The following CELSR1 variants were observed in gnomAD, a reference collection of about 807,000 sequenced individuals.
The protein encoded by CELSR1 is adhesion G protein-coupled receptor C1.
CELSR1 carries 110 observed loss-of-function variants against 249.1 expected under a neutral mutation model. The observed-to-expected ratio is 0.44, with a 90% CI of 0.38 to 0.52. CELSR1 has a LOEUF of 0.52. Ranked by LOEUF, CELSR1 falls within the 20% of genes least tolerant of loss-of-function variation. The probability of loss-of-function intolerance (pLI) is 0.00; values close to 1 mark genes in which losing one functional copy is unlikely to be tolerated. For synonymous variants in CELSR1, 2,113 were observed against 1,900.0 expected (o/e 1.11, Z -2.92); for missense variants, 4,109 against 4,296.4 (o/e 0.96, Z 1.22).
intron 1 of CELSR1, among the ~76,000 whole-genome samples, chr22:46,501,752 T>C (rs980764047): frequency 3.9e-5 from 6 of 152,154 alleles, no homozygotes; most frequent in Admixed American, 3.9e-4. Flanking sequence ...AGATGAGCAA[T>C]AGCAGAATGG....
intron 5 of CELSR1, among the ~76,000 whole-genome samples, chr22:46,416,779 G>A (rs560096352): frequency 2.6e-5 from 4 of 152,212 alleles, no homozygotes; most frequent in Non-Finnish European, 1.5e-5. Context: ...TCTTCCCTGC[G>A]TGCAGGCCCT....
In CELSR1 at chr22:46,369,842, C is replaced by T. The variant is rs368933553; in HGVS notation, c.7760-38G>A. The T allele has an allele frequency of 3.0e-5, 48 of 1,578,544 alleles. 1 individual carries two copies. The highest frequency in any genetic ancestry group is 2.3e-4 in the South Asian group (21 of 90,328). On this transcript the variant is annotated intron_variant, in intron 25 of 34. Coordinates refer to ENST00000674500, the MANE Select transcript of CELSR1 (RefSeq NM_001378328.1). ...GGGAGGAAGGGAAGGGTGAGGGCCA[C>T]GTGCCCAGTGGCCACCCCATGCCAA...
In CELSR1 at chr22:46,398,982, G is replaced by A. The variant is rs2079182220; in HGVS notation, c.5413-345C>T. On this transcript the variant is annotated intron_variant, in intron 10 of 34. Transcript: ENST00000674500. The surrounding 1 kb of genome is among the most constrained non-coding windows in gnomAD (Gnocchi z 7.2). ...CTTGGCGAGTCAGGAAGACTGCAGT[G>A]AACGGAAATCCGCTCACTCATTAAC... Among the ~76,000 whole-genome samples the A allele has an allele frequency of 6.6e-6, 1 of 152,222 alleles. No individual in the cohort carries two copies. The highest frequency in any genetic ancestry group is 2.1e-4 in the South Asian group (1 of 4,830).
chr22:46,532,182 C>G (rs1365144884), intron 1 of CELSR1, among the ~76,000 whole-genome samples: 1 of 152,224 alleles, frequency 6.6e-6, no homozygotes, highest in African/African-American at 2.4e-5. Context: ...CTCATTAAAT[C>G]TAAACCCTAT....
intron 1 of CELSR1, among the ~76,000 whole-genome samples, chr22:46,474,091 G>A (rs1473216149): frequency 1.3e-5 from 2 of 152,158 alleles, no homozygotes; most frequent in Non-Finnish European, 2.9e-5. Context: ...CCAGCAAGCC[G>A]GACTGTAGAA....
intron 1 of CELSR1, among the ~76,000 whole-genome samples, chr22:46,478,012 A>T (rs966449022): frequency 3.9e-5 from 6 of 152,074 alleles, no homozygotes; most frequent in African/African-American, 1.2e-4. Flanking sequence ...ATGACCACAC[A>T]TGTCTCCAGA....
chr22:46,379,233 C>A (rs1242877768), intron 22 of CELSR1, among the ~76,000 whole-genome samples: 2 of 152,146 alleles, frequency 1.3e-5, no homozygotes, highest in East Asian at 3.9e-4. Context: ...GGGAACTGCC[C>A]AGAAGCCAGG....
rs2079829652 is a variant in CELSR1 at position 46,447,098 on chromosome 22, G to T, written c.4184-7687C>A. 6.6e-6 allele frequency among the ~76,000 whole-genome samples: 1 copy of T among 152,116 alleles called. No homozygotes were observed. The highest frequency in any genetic ancestry group is 2.4e-5 in the African/African-American group (1 of 41,438). On this transcript the variant is annotated intron_variant, in intron 2 of 34. Transcript: ENST00000674500. The surrounding 1 kb of genome is among the most constrained non-coding windows in gnomAD (Gnocchi z 4.7). ...CAGCGCTGTTTAAACAAGGTAACTG[G>T]AGGGGCTGCTCCCCACCAACCCTCA... is the stretch of plus-strand genomic sequence containing the variant.
intron 5 of CELSR1, among the ~76,000 whole-genome samples, chr22:46,424,790 T>C (rs1602117582): frequency 6.6e-6 from 1 of 152,302 alleles, no homozygotes; most frequent in East Asian, 1.9e-4. Context: ...CTGACCAACA[T>C]GGTGAAACCC....
intron 2 of CELSR1, 67 bp downstream of exon 2, chr22:46,463,640 A>T (rs1602172617): frequency 7.0e-7 from 1 of 1,428,380 alleles, no homozygotes; most frequent in Non-Finnish European, 9.2e-7. Context: ...AGAGGAAACC[A>T]CCTGAGACCC....
intron 19 of CELSR1, among the ~76,000 whole-genome samples, chr22:46,385,018 C>T (rs1220338248): frequency 6.6e-6 from 1 of 152,112 alleles, no homozygotes; most frequent in East Asian, 1.9e-4. Flanking sequence ...TCTCAAACTC[C>T]TGACCTCAAG....
chr22:46,473,797 C>A lies in CELSR1; in HGVS notation c.3545-9452G>T, dbSNP rs1023058213. On this transcript the variant is annotated intron_variant, in intron 1 of 34. Coordinates refer to ENST00000674500, the MANE Select transcript of CELSR1 (RefSeq NM_001378328.1). The surrounding 1 kb of genome is among the most constrained non-coding windows in gnomAD (Gnocchi z 6.6). ...CAGGGAACTTTGAAGTGGCTGTGTG[C>A]GTCTCTCTCTCTTCTGGGTTTGTTT... is the stretch of plus-strand genomic sequence containing the variant. 6.6e-6 allele frequency among the ~76,000 whole-genome samples: 1 copy of A among 152,142 alleles called. No individual in the cohort carries two copies. Among genetic ancestry groups the A allele is most frequent in the East Asian group, 1.9e-4 (1 of 5,186 alleles).
chr22:46,497,013 C>T (rs1056417705), intron 1 of CELSR1, among the ~76,000 whole-genome samples: 1 of 152,148 alleles, frequency 6.6e-6, no homozygotes, highest in Non-Finnish European at 1.5e-5. Flanking sequence ...GAATTTTACA[C>T]GACTGGTAGC....
chr22:46,388,956 T>C (rs2079059471), intron 18 of CELSR1, among the ~76,000 whole-genome samples: 1 of 152,222 alleles, frequency 6.6e-6, no homozygotes, highest in South Asian at 2.1e-4. Context: ...GGGTGGACGA[T>C]ACTCCATCAC....
rs2080295919 is a variant in CELSR1, at chr22:46,484,500, A to G, written c.3545-20155T>C. ...CAGAGACCTCTTTTGAAATGCAAAT[A>G]CCAGGGAGAGGCTATATTAAGCCAC... On this transcript the variant is annotated intron_variant, in intron 1 of 34. Transcript: ENST00000674500. This position sits in a 1 kb window ranked among gnomAD's most constrained non-coding sequence, Gnocchi z 4.5. Among the ~76,000 whole-genome samples the G allele has an allele frequency of 1.3e-5, 2 of 151,384 alleles. No individual in the cohort carries two copies. The highest frequency in any genetic ancestry group is 2.9e-5 in the Non-Finnish European group (2 of 67,914).
At chr22:46,389,111 G>A (rs945248480) in intron 18 of CELSR1, among the ~76,000 whole-genome samples, 179 bp downstream of exon 18, 46 of 152,188 alleles carry the variant, frequency 3.0e-4, no homozygotes, top group African/African-American at 1.0e-3. Context: ...CCTAACGCTC[G>A]TCGTCAGTTT....
intron 2 of CELSR1, among the ~76,000 whole-genome samples, chr22:46,456,642 G>C (rs797009333): frequency 7.8e-6 from 1 of 128,634 alleles, no homozygotes; most frequent in Non-Finnish European, 1.6e-5. Context: ...CAGCCTGGGC[G>C]ACAGAGCGAG....
chr22:46,394,426 C>T (rs553654825), intron 13 of CELSR1, among the ~76,000 whole-genome samples, 164 bp from the exon 14 acceptor site: 13 of 152,304 alleles, frequency 8.5e-5, no homozygotes, highest in South Asian at 2.1e-4. Flanking sequence ...TCCCCTCTAC[C>T]GGCTCCCAAC....
At position 46,471,970 on chromosome 22, in the gene CELSR1, G is replaced by C. The variant is rs2080160053; in HGVS notation, c.3545-7625C>G. On this transcript the variant is annotated intron_variant, in intron 1 of 34. Coordinates refer to ENST00000674500, the MANE Select transcript of CELSR1 (RefSeq NM_001378328.1). This position sits in a 1 kb window ranked among gnomAD's most constrained non-coding sequence, Gnocchi z 4.9. ...CATTTCTGTGTGTGAGTACAGGTCAGTTCACAGTTTGGGGTCTGCTTGATT... is the reference window on the plus strand; with the variant it reads ...CATTTCTGTGTGTGAGTACAGGTCACTTCACAGTTTGGGGTCTGCTTGATT... 6.6e-6 allele frequency among the ~76,000 whole-genome samples: 1 copy of C among 152,176 alleles called. No homozygotes were observed. The highest frequency in any genetic ancestry group is 1.5e-5 in the Non-Finnish European group (1 of 68,040).
Sources: allele counts gnomAD v4.1 joint callset (sites outside exome capture counted in the v4.1 genomes callset), GRCh38; gene constraint gnomAD v4.1.1; non-coding constraint Gnocchi (gnomAD v3.1); transcripts MANE v1.5; gene names NCBI Gene and HGNC (gene_info 2026-07-23, HGNC 2026-07-21).